Variants in C11orf65 observed in about 807,000 individuals in gnomAD.
C11orf65 encodes protein MFI.
C11orf65 carries 38 observed loss-of-function variants against 35.3 expected under a neutral mutation model. The observed-to-expected ratio is 1.08, with a 90% CI of 0.83 to 1.41. The LOEUF (loss-of-function observed/expected upper bound fraction) is 1.41, where lower values mean the gene tolerates loss of function less well. C11orf65 is among the 40% of genes most tolerant of loss of function. The pLI is 0.00. For synonymous variants in C11orf65, 105 were observed against 114.4 expected (o/e 0.92, Z 0.53); for missense variants, 370 against 367.1 (o/e 1.01, Z -0.06).
rs2118308 is a variant in C11orf65 at position 108,444,736 on chromosome 11, C to T, written c.82-12898G>A. ...CTGAGGTACCAGGTTCATCTCACTA[C>T]GGAGTGCCAGGCAGTGGGTGTAGGA... On this transcript the variant is annotated intron_variant, in intron 2 of 8. Coordinates refer to ENST00000393084, the MANE Select transcript of C11orf65 (RefSeq NM_152587.5). Among the ~76,000 whole-genome samples, 6 of 151,990 alleles carry T rather than the reference C, an allele frequency of 3.9e-5. No homozygotes were observed. The South Asian group carries it at 8.3e-4, about 21-fold the overall frequency.
intron 2 of C11orf65, among the ~76,000 whole-genome samples, chr11:108,457,478 C>G (rs1591611029): frequency 6.6e-6 from 1 of 152,022 alleles, no homozygotes; most frequent in Non-Finnish European, 1.5e-5. Flanking sequence ...CTCATCTCTA[C>G]TAAAAATACA....
At chr11:108,429,849 G>T (rs1293000509) in intron 3 of C11orf65, among the ~76,000 whole-genome samples, 3 of 152,122 alleles carry the variant, frequency 2.0e-5, no homozygotes, top group Non-Finnish European at 4.4e-5. Flanking sequence ...TATTACATGG[G>T]TGAATCTTGA....
At chr11:108,375,297 C>T (rs919547770) in intron 2 of C11orf65, among the ~76,000 whole-genome samples, 6 of 145,904 alleles carry the variant, frequency 4.1e-5, no homozygotes, top group African/African-American at 8.4e-5. Flanking sequence ...TTGGCAGAAA[C>T]CCTACAAGCC....
Position 108,332,751 on chromosome 11 carries a change from T to C in C11orf65, c.300-1184A>G. 1 of 1,611,172 alleles carries C rather than the reference T, an allele frequency of 6.2e-7. No individual in the cohort carries two copies. Among genetic ancestry groups the C allele is most frequent in the Non-Finnish European group, 8.5e-7 (1 of 1,179,326 alleles). ...GTTCCTTATGTAATGTTTTTTGTTT[T>C]TTATTAATAGGATCGAACAGAGGCT... On this transcript the variant is annotated intron_variant, in intron 3 of 3. Coordinates refer to the C11orf65 transcript ENST00000524755.
At chr11:108,428,735 A>G (rs1434877252) in intron 3 of C11orf65, among the ~76,000 whole-genome samples, 1 of 152,198 alleles carries the variant, frequency 6.6e-6, no homozygotes, top group Admixed American at 6.5e-5. Flanking sequence ...TGGGTGCAGC[A>G]AATCACCATG....
At chr11:108,352,094 A>G (rs1261990954) in intron 2 of C11orf65, among the ~76,000 whole-genome samples, 1 of 152,186 alleles carries the variant, frequency 6.6e-6, no homozygotes. Context: ...GTAATAACTA[A>G]AAGGTGTAGG....
rs1401321528 is a variant in C11orf65, at chr11:108,446,859, C to A, written c.81+14620G>T. ...TGGCAAATTGGATAAAGAGTCAAGA[C>A]CCATCAGTGTGCTGTATTCAGGAAA... On this transcript the variant is annotated intron_variant, in intron 2 of 8. Transcript: ENST00000393084. Among the ~76,000 whole-genome samples the A allele has an allele frequency of 2.0e-5, 3 of 152,044 alleles. No homozygotes were observed. In the South Asian group the frequency reaches 6.2e-4, roughly 32 times the overall value.
At chr11:108,415,031 C>T (rs1261146791) in intron 3 of C11orf65, among the ~76,000 whole-genome samples, 1 of 152,082 alleles carries the variant, frequency 6.6e-6, no homozygotes, top group African/African-American at 2.4e-5. Flanking sequence ...GGAACTTCCT[C>T]TAATTAATAA....
intron 6 of C11orf65, among the ~76,000 whole-genome samples, chr11:108,317,168 G>T (rs982723021): frequency 6.6e-5 from 10 of 151,652 alleles, no homozygotes; most frequent in Non-Finnish European, 1.3e-4. Context: ...CAAACTCCTG[G>T]GCTCAAGTGA....
chr11:108,384,861 C>T (rs559487252), intron 8 of C11orf65, among the ~76,000 whole-genome samples: 2 of 152,338 alleles, frequency 1.3e-5, no homozygotes, highest in African/African-American at 4.8e-5. Flanking sequence ...GCTAGTAGGA[C>T]AGAACTCATA....
chr11:108,326,276 C>T (rs756147757), intron 6 of C11orf65: 1 of 1,593,874 alleles, frequency 6.3e-7, no homozygotes, highest in African/African-American at 1.3e-5. Context: ...TTTAAAAAAA[C>T]ACAAATGTAC....
intron 6 of C11orf65, among the ~76,000 whole-genome samples, chr11:108,321,655 C>T (rs746760631): frequency 1.3e-5 from 2 of 151,834 alleles, no homozygotes; most frequent in East Asian, 1.9e-4. Flanking sequence ...TGGTGGTGGG[C>T]GCCTGTAATC....
At chr11:108,332,410 C>T (rs1315358158) in intron 3 of C11orf65, among the ~76,000 whole-genome samples, 2 of 152,090 alleles carry the variant, frequency 1.3e-5, no homozygotes, top group East Asian at 3.9e-4. Context: ...CCAGCCTGGG[C>T]AACAAGAGCG....
chr11:108,424,997 G>T (rs1241612275), intron 3 of C11orf65, among the ~76,000 whole-genome samples: 1 of 152,176 alleles, frequency 6.6e-6, no homozygotes, highest in Admixed American at 6.5e-5. Flanking sequence ...CCAGGAAACA[G>T]CTAAAGCAGT....
intron 1 of C11orf65, among the ~76,000 whole-genome samples, chr11:108,463,901 T>C (rs112408848): frequency 2.6e-5 from 4 of 151,994 alleles, no homozygotes; most frequent in African/African-American, 7.2e-5. Context: ...AGGAATGATA[T>C]TTCAGGCCTA....
chr11:108,418,108 A>T (rs2092765995), intron 3 of C11orf65, among the ~76,000 whole-genome samples: 1 of 152,192 alleles, frequency 6.6e-6, no homozygotes, highest in Non-Finnish European at 1.5e-5. Flanking sequence ...ACATGGTCTC[A>T]AATATATACA....
At chr11:108,369,582 A>G (rs891269947) in intron 2 of C11orf65, among the ~76,000 whole-genome samples, 1 of 152,228 alleles carries the variant, frequency 6.6e-6, no homozygotes, top group African/African-American at 2.4e-5. Flanking sequence ...AAGTTTCCAC[A>G]AAGATTATAA....
chr11:108,381,353 T>G (rs1016364231), downstream of C11orf65, among the ~76,000 whole-genome samples: 3 of 152,068 alleles, frequency 2.0e-5, no homozygotes, highest in Non-Finnish European at 4.4e-5. Flanking sequence ...GAGGGAATGG[T>G]TCCCCTGGAG....
chr11:108,448,483 T>C (rs4027554), intron 2 of C11orf65, among the ~76,000 whole-genome samples: 152,286 of 152,338 alleles, frequency 1, 76,117 homozygotes, highest in Middle Eastern at 1. Flanking sequence ...CTTCAACATA[T>C]GCAAATGAAT....
Sources: allele counts gnomAD v4.1 joint callset (sites outside exome capture counted in the v4.1 genomes callset), GRCh38; gene constraint gnomAD v4.1.1; transcripts MANE v1.5; gene names NCBI Gene and HGNC (gene_info 2026-07-23, HGNC 2026-07-21).